DSE: variants seen among roughly 807,000 people sequenced by gnomAD.
The protein encoded by DSE is dermatan-sulfate epimerase.
In DSE, 36 loss-of-function variants were observed where a neutral mutation model predicts 84.4. That is an observed-to-expected ratio of 0.43 (90% CI 0.33 to 0.56). The LOEUF is 0.56. DSE is among the 20% of genes least tolerant of loss of function. The pLI is 0.06. For missense variants in DSE, 862 were observed against 1,169.6 expected, an observed-to-expected ratio of 0.74 and a Z score of 3.84; for synonymous variants, 410 against 430.1, an observed-to-expected ratio of 0.95 and a Z score of 0.58.
At chr6:116,407,335 G>T (rs1781998249) in intron 2 of DSE, among the ~76,000 whole-genome samples, 1 of 152,184 alleles carries the variant, frequency 6.6e-6, no homozygotes, top group Non-Finnish European at 1.5e-5. Context: ...AGAGTGGTTT[G>T]TGGGAGAGAA....
intron 2 of DSE, among the ~76,000 whole-genome samples, chr6:116,303,951 T>C (rs923467656): frequency 6.6e-6 from 1 of 151,728 alleles, no homozygotes; most frequent in Non-Finnish European, 1.5e-5. Flanking sequence ...CTGGCTAATA[T>C]GGTGAAACCC....
chr6:116,359,484 T>C (rs1340000185), intron 2 of DSE, among the ~76,000 whole-genome samples: 4 of 152,228 alleles, frequency 2.6e-5, no homozygotes, highest in African/African-American at 9.6e-5. Context: ...TTCCTATTTA[T>C]AATTTTAGTT....
chr6:116,279,109 G>C (rs756788874), intron 2 of DSE: 5 of 1,614,110 alleles, frequency 3.1e-6, no homozygotes, highest in Admixed American at 1.7e-5. Flanking sequence ...AGCATTCACA[G>C]TGTCCAGTTC....
chr6:116,277,049 T>A (rs1773174724), intron 2 of DSE: 1 of 152,256 alleles, frequency 6.6e-6, no homozygotes, highest in South Asian at 2.1e-4. Flanking sequence ...GTCTCTATAT[T>A]GTACAGGCAA....
At chr6:116,427,921 G>A (rs1441067986) in intron 3 of DSE, among the ~76,000 whole-genome samples, 1 of 152,198 alleles carries the variant, frequency 6.6e-6, no homozygotes, top group African/African-American at 2.4e-5. Context: ...AGGCGTGGTG[G>A]CTCACACCTG....
chr6:116,257,456 G>T (rs1187194218), intron 1 of DSE: 1 of 152,260 alleles, frequency 6.6e-6, no homozygotes, highest in Non-Finnish European at 1.5e-5. Context: ...CCAATTTAAT[G>T]TTGAACTTTC....
intron 2 of DSE, among the ~76,000 whole-genome samples, chr6:116,409,387 C>T (rs565980668): frequency 6.6e-6 from 1 of 152,310 alleles, no homozygotes; most frequent in Non-Finnish European, 1.5e-5. Context: ...TGCCATTCTC[C>T]TGCCTCAGCC....
Position 116,436,344 on chromosome 6 carries a change from G to A in DSE, c.1876G>A (p.Glu626Lys), listed in dbSNP as rs1232216029. 1.2e-5 allele frequency: 19 copies of A among 1,614,196 alleles called. No homozygotes were observed. The highest frequency in any genetic ancestry group is 1.6e-4 in the Middle Eastern group (1 of 6,062). The change falls in exon 6 of 6, where the codon GAG becomes AAG. Residue 626 changes from glutamate to lysine, a missense_variant. By Grantham distance (56) the Glu-to-Lys change is moderately conservative. Around this residue, in one of 4 missense-constraint regions of DSE, gnomAD observed 186 missense variants for 255.1 expected, o/e 0.73. Transcript: ENST00000644252. ...CTGGATGGACGATACTGGCTACAGC[G>A]AGAAAGCAACCTTTGCCTCAGTGAC... ...MYWMDDTGYS[E>K]KATFASVTYP...
At chr6:116,346,042 A>C in intron 2 of DSE, among the ~76,000 whole-genome samples, 1 of 152,248 alleles carries the variant, frequency 6.6e-6, no homozygotes, top group Non-Finnish European at 1.5e-5. Context: ...ATTCCTGGAC[A>C]CATACACCCT....
intron 2 of DSE, among the ~76,000 whole-genome samples, chr6:116,330,317 A>T (rs1029415948): frequency 1.3e-5 from 2 of 152,226 alleles, no homozygotes; most frequent in African/African-American, 4.8e-5. Context: ...AAATACTTTT[A>T]TCATACAGAG....
intron 2 of DSE, among the ~76,000 whole-genome samples, chr6:116,326,187 A>T (rs1337166600): frequency 6.6e-6 from 1 of 152,128 alleles, no homozygotes; most frequent in Non-Finnish European, 1.5e-5. Context: ...GGCATAAGAC[A>T]ATATGAGGGG....
At chr6:116,297,546 G>A (rs886598676) in intron 2 of DSE, among the ~76,000 whole-genome samples, 1 of 152,184 alleles carries the variant, frequency 6.6e-6, no homozygotes, top group Non-Finnish European at 1.5e-5. Context: ...TTAATTAGCA[G>A]GGGCTAAAAT....
intron 2 of DSE, among the ~76,000 whole-genome samples, chr6:116,410,663 G>A (rs1782268447): frequency 6.8e-6 from 1 of 146,188 alleles, no homozygotes; most frequent in South Asian, 2.2e-4. Flanking sequence ...GAACCCAGGA[G>A]GCAGAGCTTA....
At chr6:116,259,430 G>GTCC (rs1772306243) in intron 2 of DSE, among the ~76,000 whole-genome samples, 1 of 152,150 alleles carries the variant, frequency 6.6e-6, no homozygotes, top group South Asian at 2.1e-4. Context: ...GCAGCTTTAT[G>GTCC]ATAAAGTTCT....
intron 2 of DSE, among the ~76,000 whole-genome samples, chr6:116,274,492 G>A (rs1371406918): frequency 6.6e-6 from 1 of 152,038 alleles, no homozygotes; most frequent in African/African-American, 2.4e-5. Context: ...GAACCCAGGA[G>A]GCAGAGGTTG....
intron 2 of DSE, among the ~76,000 whole-genome samples, chr6:116,420,748 T>G (rs1471558873): frequency 6.6e-6 from 1 of 152,222 alleles, no homozygotes; most frequent in East Asian, 1.9e-4. Context: ...TTCTATAGAC[T>G]GTCTATATCA....
intron 4 of DSE, among the ~76,000 whole-genome samples, 189 bp downstream of exon 4, chr6:116,431,382 G>A (rs1417606654): frequency 6.6e-6 from 1 of 152,146 alleles, no homozygotes; most frequent in Admixed American, 6.5e-5. Flanking sequence ...GGAGGCTAAT[G>A]TGAGTATTTA....
chr6:116,354,837 T>C (rs548120207), intron 2 of DSE, among the ~76,000 whole-genome samples: 1 of 152,314 alleles, frequency 6.6e-6, no homozygotes, highest in East Asian at 1.9e-4. Flanking sequence ...ACATTACTTT[T>C]TATAATAAAA....
intron 5 of DSE, 78 bp from the exon 6 acceptor site, chr6:116,435,509 G>C: frequency 7.1e-7 from 1 of 1,413,464 alleles, no homozygotes; most frequent in Non-Finnish European, 9.5e-7. Context: ...TTTGTGTGTC[G>C]CATCTTCCAC....
Sources: gnomAD v4.1 joint callset for allele counts (sites outside exome capture counted in the v4.1 genomes callset) on GRCh38, gnomAD v4.1.1 for gene constraint, gnomAD v4.1.1 regional missense constraint, MANE v1.5 for transcripts, NCBI Gene and HGNC (gene_info 2026-07-23, HGNC 2026-07-21) for gene names.